The following SLC36A1 variants were observed in gnomAD, a reference collection of about 807,000 sequenced individuals.
SLC36A1 encodes the protein proton-coupled amino acid transporter 1.
A neutral mutation model predicts 47.5 loss-of-function variants in SLC36A1; 30 were observed. The observed-to-expected ratio is 0.63, with a 90% CI of 0.47 to 0.86. SLC36A1 has a LOEUF of 0.86. SLC36A1 is among the 40% of genes least tolerant of loss of function. SLC36A1 has a pLI of 0.00. For missense variants in SLC36A1, 517 were observed against 606.0 expected (o/e 0.85, Z 1.54); for synonymous variants, 255 against 249.7 (o/e 1.02, Z -0.20).
chr5:151,545,286 C>G, the SLC36A1 span: 2 of 1,614,124 alleles, frequency 1.2e-6, no homozygotes, highest in Admixed American at 1.7e-5. Context: ...TGTCTTGATA[C>G]AAGCCATCAG....
the SLC36A1 span, among the ~76,000 whole-genome samples, chr5:151,379,079 G>A: frequency 6.6e-6 from 1 of 152,254 alleles, no homozygotes; most frequent in Non-Finnish European, 1.5e-5. Flanking sequence ...CTTGCACAGG[G>A]TCAGGAAAGC....
the SLC36A1 span, among the ~76,000 whole-genome samples, chr5:151,539,636 A>G: frequency 3.3e-5 from 5 of 152,340 alleles, 1 homozygote; most frequent in South Asian, 1.0e-3. Context: ...ATAAAATTAA[A>G]ATGTTAGCAG....
rs565526299 is a variant in SLC36A1 at position 151,489,767 on chromosome 5, C to T, written c.*1513C>T. 61 of 152,266 alleles carry T rather than the reference C, an allele frequency of 4.0e-4. No homozygotes were observed. Among genetic ancestry groups the T allele is most frequent in the African/African-American group, 1.3e-3 (56 of 41,532 alleles). The allele number at this position is 152,266 out of a possible 1,614,324, so 9.4% of individuals were successfully genotyped here. A position where few individuals can be genotyped will look rare whatever the true frequency, so the allele number is the denominator to read the frequency against. ...TCAGAAGGCCATTGATGAATTCCCC[C>T]TCTTTAGCTGTGTATTTGTGCACGT... On this transcript the variant is annotated 3_prime_UTR_variant, in exon 11 of 11. Transcript: ENST00000243389. This position sits in a 1 kb window ranked among gnomAD's most constrained non-coding sequence, Gnocchi z 4.5.
chr5:151,504,389 C>T, the SLC36A1 span: 3 of 152,712 alleles, frequency 2.0e-5, no homozygotes, highest in Admixed American at 6.5e-5. Flanking sequence ...GTCCCCACCA[C>T]TCCTGGCTAC....
intron 1 of SLC36A1, among the ~76,000 whole-genome samples, chr5:151,448,777 G>A (rs1192005310): frequency 6.6e-6 from 1 of 152,228 alleles, no homozygotes; most frequent in East Asian, 1.9e-4. Flanking sequence ...AGGATATTTT[G>A]TCCTAGCTCT....
At chr5:151,518,780 G>A in the SLC36A1 span, among the ~76,000 whole-genome samples, 8 of 152,286 alleles carry the variant, frequency 5.3e-5, no homozygotes, top group East Asian at 1.5e-3. Flanking sequence ...ACTCTTATGT[G>A]GACCACTCTT....
At chr5:151,496,169 A>G (rs183540590), downstream of SLC36A1, among the ~76,000 whole-genome samples, 2 of 152,256 alleles carry the variant, frequency 1.3e-5, no homozygotes. Context: ...GTGATGGTGA[A>G]TAAGTCTCAC....
Position 151,488,413 on chromosome 5 carries a change from G to A in SLC36A1, c.*159G>A. On this transcript the variant is annotated 3_prime_UTR_variant, in exon 11 of 11. Coordinates refer to ENST00000243389, the MANE Select transcript of SLC36A1 (RefSeq NM_078483.4). Reference sequence around the variant, plus strand: ...CTGGATACCCTGGGCCAGGTAACCTGAGGGCAGGGGAGAGGTGGGGTGGCA... The same window carrying A: ...CTGGATACCCTGGGCCAGGTAACCTAAGGGCAGGGGAGAGGTGGGGTGGCA... 1 of 907,120 alleles carries A rather than the reference G, an allele frequency of 1.1e-6. No homozygotes were observed. Among genetic ancestry groups the A allele is most frequent in the South Asian group, 1.8e-5 (1 of 56,240 alleles). 56.2% of individuals were successfully genotyped at this position (907,120 alleles called of 1,614,324 possible).
chr5:151,452,778 G>C (rs906148083), intron 1 of SLC36A1, among the ~76,000 whole-genome samples: 1 of 151,848 alleles, frequency 6.6e-6, no homozygotes, highest in Non-Finnish European at 1.5e-5. Context: ...GCTGAGGCAG[G>C]AGAATCGCTT....
At chr5:151,493,377 G>A (rs568488689), downstream of SLC36A1, among the ~76,000 whole-genome samples, 1 of 152,266 alleles carries the variant, frequency 6.6e-6, no homozygotes, top group South Asian at 2.1e-4. Flanking sequence ...CAGTCCCCAA[G>A]AGTGACACCC....
chr5:151,514,100 A>G, the SLC36A1 span, among the ~76,000 whole-genome samples: 3 of 152,222 alleles, frequency 2.0e-5, no homozygotes, highest in Non-Finnish European at 4.4e-5. Context: ...TTTCTTATAC[A>G]TTGGCTATCT....
the SLC36A1 span, chr5:151,505,897 G>A: frequency 1.3e-6 from 2 of 1,597,834 alleles, no homozygotes; most frequent in Non-Finnish European, 1.7e-6. Flanking sequence ...TAACGGGGTG[G>A]GAGAGGTGCC....
At chr5:151,543,267 G>A in the SLC36A1 span, 2 of 1,614,062 alleles carry the variant, frequency 1.2e-6, no homozygotes, top group Non-Finnish European at 1.7e-6. Context: ...CTGAGTAGGT[G>A]ACATCTGCGT....
At chr5:151,403,650 A>G in the SLC36A1 span, among the ~76,000 whole-genome samples, 3 of 152,218 alleles carry the variant, frequency 2.0e-5, no homozygotes, top group Non-Finnish European at 2.9e-5. Context: ...ATTTCTTTAT[A>G]GCAATGCAAG....
At chr5:151,415,707 A>G in the SLC36A1 span, among the ~76,000 whole-genome samples, 1 of 152,244 alleles carries the variant, frequency 6.6e-6, no homozygotes, top group Admixed American at 6.5e-5. Flanking sequence ...CATGATGCTC[A>G]GCCTATAGTG....
chr5:151,461,407 T>G (rs1387552280), intron 2 of SLC36A1, among the ~76,000 whole-genome samples: 1 of 152,162 alleles, frequency 6.6e-6, no homozygotes, highest in Non-Finnish European at 1.5e-5. Context: ...TTCTTCTTGT[T>G]GCCCCTCTGA....
At chr5:151,374,399 G>C in the SLC36A1 span, among the ~76,000 whole-genome samples, 10 of 152,072 alleles carry the variant, frequency 6.6e-5, no homozygotes, top group South Asian at 1.9e-3. Flanking sequence ...GGTTCGAACC[G>C]ATACAAGAAC....
chr5:151,546,828 C>T, the SLC36A1 span, among the ~76,000 whole-genome samples: 1 of 152,060 alleles, frequency 6.6e-6, no homozygotes, highest in Non-Finnish European at 1.5e-5. Flanking sequence ...AAGCGGTCCT[C>T]CAGCCTCAGC....
At chr5:151,529,228 A>G in the SLC36A1 span, 3 of 1,613,914 alleles carry the variant, frequency 1.9e-6, no homozygotes, top group Non-Finnish European at 1.7e-6. Flanking sequence ...CTTGTGCTAT[A>G]TGGATCTTGG....
Sources: allele counts gnomAD v4.1 joint callset (sites outside exome capture counted in the v4.1 genomes callset), GRCh38; gene constraint gnomAD v4.1.1; non-coding constraint Gnocchi (gnomAD v3.1); transcripts MANE v1.5; gene names NCBI Gene and HGNC (gene_info 2026-07-23, HGNC 2026-07-21).